NEB: variants seen among roughly 807,000 people sequenced by gnomAD.
The protein encoded by NEB is nebulin.
In NEB, 512 loss-of-function variants were observed where a neutral mutation model predicts 952.2. The ratio of observed to expected loss-of-function variants is 0.54; its 90% CI spans 0.50 to 0.58. The LOEUF (loss-of-function observed/expected upper bound fraction) is 0.58, where lower values mean the gene tolerates loss of function less well. NEB is among the 20% of genes least tolerant of loss of function. The probability of loss-of-function intolerance (pLI) is 0.00; values close to 1 mark genes in which losing one functional copy is unlikely to be tolerated. For synonymous variants in NEB, 2,900 were observed against 3,149.8 expected (o/e 0.92, Z 2.66); for missense variants, 8,428 against 9,231.1 (o/e 0.91, Z 3.56).
Position 151,656,458 on chromosome 2 carries a change from A to G in NEB, c.6190T>C (p.Tyr2064His), listed in dbSNP as rs1473630569. The change falls in exon 49 of 182, where the codon TAC becomes CAC. Residue 2064 changes from tyrosine (Y) to histidine (H), a missense_variant. Tyr to His is a moderately conservative substitution (Grantham distance 83). This residue lies in a region of NEB where 2,851 missense variants were observed against 2,791.5 expected (regional missense o/e 1.02). Coordinates refer to ENST00000397345, the MANE Select transcript of NEB (RefSeq NM_001164508.2). ...TTCCCTTTTTCATAATTGTACTTGT[A>G]TTTATACTGTGAAGAAAATATGAGT... is the stretch of plus-strand genomic sequence containing the variant. ...ASRDIASDYK[Y>H]KYNYEKGKGK... 6.3e-7 allele frequency: 1 copy of G among 1,595,484 alleles called. No homozygotes were observed. Among genetic ancestry groups the G allele is most frequent in the Non-Finnish European group, 8.6e-7 (1 of 1,167,964 alleles).
At position 151,671,244 on chromosome 2, in the gene NEB, G is replaced by A. The variant is rs1342629658; in HGVS notation, c.4300-15C>T. 2 of 1,590,754 alleles carry A rather than the reference G, an allele frequency of 1.3e-6. No individual in the cohort carries two copies. Among genetic ancestry groups the A allele is most frequent in the Non-Finnish European group, 1.7e-6 (2 of 1,160,248 alleles). ...TTATACACATTCTGTAAAAGGGTAA[G>A]CTAATATGAGAAGATACCCTGGAGA... On this transcript the variant is annotated splice_polypyrimidine_tract_variant and intron_variant, in intron 37 of 181. Coordinates refer to ENST00000397345, the MANE Select transcript of NEB (RefSeq NM_001164508.2).
chr2:151,569,158 A>C (rs1320192591), intron 110 of NEB, 110 bp downstream of exon 110: 1 of 861,642 alleles, frequency 1.2e-6, no homozygotes, highest in Non-Finnish European at 1.9e-6. Context: ...TTTAAATCAC[A>C]GCAATTGAAA....
At position 151,612,193 on chromosome 2, in the gene NEB, A is replaced by G. The variant is rs772235127; in HGVS notation, c.11798T>C (p.Met3933Thr). The change falls in exon 78 of 182, where the codon ATG becomes ACG. Residue 3933 changes from methionine to threonine, a missense_variant. By Grantham distance (81) the Met-to-Thr change is moderately conservative. Around this residue, in one of 11 missense-constraint regions of NEB, gnomAD observed 337 missense variants for 297.5 expected, o/e 1.13. Transcript: ENST00000397345. ...AAACAGCTGGAGACTCACCTTGCTCATTGTCAGGGCATTATTCTTTGCTAG... is the reference window on the plus strand; with the variant it reads ...AAACAGCTGGAGACTCACCTTGCTCGTTGTCAGGGCATTATTCTTTGCTAG... ...IVLAKNNALTMSKHLYTEAWD... is the reference protein window; with the variant it reads ...IVLAKNNALTTSKHLYTEAWD... 39 of 1,613,358 alleles carry G rather than the reference A, an allele frequency of 2.4e-5. No homozygotes were observed. The highest frequency in any genetic ancestry group is 3.2e-5 in the Non-Finnish European group (38 of 1,179,478).
chr2:151,673,398 A>G (rs1040764203), intron 36 of NEB, among the ~76,000 whole-genome samples: 1 of 151,836 alleles, frequency 6.6e-6, no homozygotes, highest in African/African-American at 2.4e-5. Flanking sequence ...AGGATCGTCA[A>G]GTAATTTCTA....
chr2:151,703,086 C>G (rs1280493260), intron 13 of NEB, among the ~76,000 whole-genome samples: 2 of 150,288 alleles, frequency 1.3e-5, no homozygotes, highest in East Asian at 2.0e-4. Flanking sequence ...ATTTGCTTGT[C>G]TGTAAAGTAT....
intron 28 of NEB, 51 bp from the exon 29 acceptor site, chr2:151,682,820 T>A: frequency 6.8e-7 from 1 of 1,470,668 alleles, no homozygotes; most frequent in Non-Finnish European, 9.4e-7. Context: ...ATCCTCATTA[T>A]GTAAAATCAT....
chr2:151,568,644 TC>T lies in NEB; in HGVS notation c.17607del (p.Lys5870AsnfsTer80). 3 of 1,609,720 alleles carry T rather than the reference TC, an allele frequency of 1.9e-6. No individual in the cohort carries two copies. The highest frequency in any genetic ancestry group is 2.5e-6 in the Non-Finnish European group (3 of 1,177,902). The stretch of plus-strand genomic sequence containing the variant: ...TCATCGAGGATCTCGCCACTTTGTT[TC>T]GCTGTCACATAATCAACTCTGTCAT... The part of the protein sequence containing the change: ...PVDDRVDYVT[A>X]KQSGEILDDI... On this transcript the variant is annotated frameshift_variant, in exon 111 of 182. Transcript: ENST00000397345. LOFTEE classifies it high-confidence loss of function.
chr2:151,657,308 A>G (rs2099096235), intron 48 of NEB, among the ~76,000 whole-genome samples: 1 of 152,150 alleles, frequency 6.6e-6, no homozygotes, highest in Non-Finnish European at 1.5e-5. Flanking sequence ...GTTTTGAAAT[A>G]TGCTCCTCCC....
chr2:151,618,460 G>A lies in NEB; in HGVS notation c.10891C>T (p.Leu3631Phe). ...CAGCCAATGCCTTTCATCCATTCAA[G>A]GTCTGACTTATACAAATTCTGCAGA... ...LQSDNLYKSD[L>F]EWMKGIGWVP... Residue 3631 changes from leucine to phenylalanine, a missense_variant, in exon 74 of 182, where the codon CTT (leucine) becomes TTT (phenylalanine). This residue lies in a region of NEB where 1,772 missense variants were observed against 1,960.3 expected (regional missense o/e 0.90). Transcript: ENST00000397345. The A allele has an allele frequency of 6.2e-7, 1 of 1,613,660 alleles. No homozygotes were observed. The highest frequency in any genetic ancestry group is 8.5e-7 in the Non-Finnish European group (1 of 1,179,766).
In NEB at chr2:151,686,370, A is replaced by G. The variant is rs571319976; in HGVS notation, c.2637+1049T>C. On this transcript the variant is annotated intron_variant, in intron 27 of 181. Transcript: ENST00000397345. Reference sequence around the variant, plus strand: ...ATCAATCAATTAACAAATATTTATTAGGCATTTATTATGTGCCTACTGCTG... The same window carrying G: ...ATCAATCAATTAACAAATATTTATTGGGCATTTATTATGTGCCTACTGCTG... 1.2e-3 allele frequency among the ~76,000 whole-genome samples: 186 copies of G among 152,358 alleles called. 2 individuals carry two copies. The highest frequency in any genetic ancestry group is 3.9e-3 in the African/African-American group (164 of 41,584).
rs1040219528 is a variant in NEB at position 151,495,754 on chromosome 2, TAATC to T, written c.24486+518_24486+521del. Among the ~76,000 whole-genome samples the T allele has an allele frequency of 1.1e-4, 16 of 152,298 alleles. 1 individual carries two copies. Among genetic ancestry groups the T allele is most frequent in the South Asian group, 4.1e-4 (2 of 4,826 alleles). Reference sequence around the variant, plus strand: ...TTTCATTTTTAAGTAAGTAAATTGATAATCAATAATTGCCAAAACTACTATTGGA... The same window carrying T: ...TTTCATTTTTAAGTAAGTAAATTGATAATAATTGCCAAAACTACTATTGGA... On this transcript the variant is annotated intron_variant, in intron 173 of 181. Coordinates refer to ENST00000397345, the MANE Select transcript of NEB (RefSeq NM_001164508.2).
At chr2:151,698,986 A>C in intron 13 of NEB, among the ~76,000 whole-genome samples, 1 of 138,552 alleles carries the variant, frequency 7.2e-6, no homozygotes, top group Non-Finnish European at 1.6e-5. Context: ...GTCATCTAGC[A>C]TTAGGTATAT....
intron 156 of NEB, 52 bp from the exon 157 acceptor site, chr2:151,516,615 A>G: frequency 8.5e-7 from 1 of 1,178,112 alleles, no homozygotes; most frequent in South Asian, 1.3e-5. Flanking sequence ...ATTCCTAGAC[A>G]GCAGTTTAAG....
intron 46 of NEB, among the ~76,000 whole-genome samples, chr2:151,659,917 G>A (rs2099127767): frequency 6.6e-6 from 1 of 152,096 alleles, no homozygotes; most frequent in African/African-American, 2.4e-5. Context: ...TCAGTTCTCT[G>A]GTGATGAATA....
Position 151,723,437 on chromosome 2 carries a change from T to G in NEB, c.662A>C (p.Tyr221Ser). The stretch of plus-strand genomic sequence containing the variant: ...TCTCCTCAGTTCCGGGCTATCATTA[T>G]AGGGGTAAAACAAACTTTTGTCTGC... ...WEADKSLFYPYNDSPELRRVA... is the reference protein window; with the variant it reads ...WEADKSLFYPSNDSPELRRVA... Residue 221 changes from tyrosine (Y) to serine (S), a missense_variant, in exon 9 of 182, where the codon TAT (tyrosine) becomes TCT (serine). This residue lies in a region of NEB where 2,851 missense variants were observed against 2,791.5 expected (regional missense o/e 1.02). Coordinates refer to ENST00000397345, the MANE Select transcript of NEB (RefSeq NM_001164508.2). 1 of 1,610,574 alleles carries G rather than the reference T, an allele frequency of 6.2e-7. No homozygotes were observed. The highest frequency in any genetic ancestry group is 8.5e-7 in the Non-Finnish European group (1 of 1,178,436).
chr2:151,644,331 TC>T, intron 56 of NEB, 136 bp downstream of exon 56: 1 of 1,055,032 alleles, frequency 9.5e-7, no homozygotes, highest in Non-Finnish European at 1.4e-6. Flanking sequence ...CTTATCCTCA[TC>T]CCACACTGCA....
intron 125 of NEB, among the ~76,000 whole-genome samples, chr2:151,554,461 A>C (rs946737916): frequency 6.6e-6 from 1 of 152,072 alleles, no homozygotes; most frequent in Non-Finnish European, 1.5e-5. Context: ...CAGCAGGCTG[A>C]GGTGGGATGA....
Position 151,727,905 on chromosome 2 carries a change from G to A in NEB, c.80C>T (p.Thr27Ile), listed in dbSNP as rs771560364. Residue 27 changes from threonine (T) to isoleucine (I), a missense_variant and splice_region_variant, in exon 5 of 182, where the codon ACA becomes ATA. Physicochemically the swap from Thr to Ile is moderately conservative, Grantham distance 89. Transcript: ENST00000397345. The stretch of plus-strand genomic sequence containing the variant: ...CGTAGTCTCATAAATTTTTGTTATT[G>A]TCTGAAAATTTGATATGCAGTTCAA... ...EVVYEEVPGE[T>I]ITKIYETTTT... The A allele has an allele frequency of 1.9e-6, 3 of 1,611,840 alleles. No homozygotes were observed. The South Asian group carries it at 3.3e-5, about 18-fold the overall frequency.
chr2:151,490,276 T>C, intron 180 of NEB, 96 bp downstream of exon 180: 3 of 1,452,544 alleles, frequency 2.1e-6, no homozygotes, highest in South Asian at 1.4e-5. Context: ...GGATGAAAAA[T>C]TTTTAAATTT....
Sources: gnomAD v4.1 joint callset for allele counts (sites outside exome capture counted in the v4.1 genomes callset) on GRCh38, gnomAD v4.1.1 for gene constraint, gnomAD v4.1.1 regional missense constraint, MANE v1.5 for transcripts, NCBI Gene and HGNC (gene_info 2026-07-23, HGNC 2026-07-21) for gene names.